Variants in IQSEC2 observed in about 807,000 individuals in gnomAD.
IQSEC2 encodes the protein IQ motif and Sec7 domain ArfGEF 2.
IQSEC2 carries 6 observed loss-of-function variants against 74.6 expected under a neutral mutation model. The ratio of observed to expected loss-of-function variants is 0.08; its 90% confidence interval spans 0.04 to 0.16. The LOEUF is 0.16. Among genes scored for constraint, IQSEC2 ranks in the 10% least tolerant of loss-of-function variants. The probability of loss-of-function intolerance (pLI) is 1.00; values close to 1 mark genes in which losing one functional copy is unlikely to be tolerated. For synonymous variants in IQSEC2, 494 were observed against 544.5 expected (o/e 0.91, Z 1.29); for missense variants, 734 against 1,306.2 (o/e 0.56, Z 6.75).
chrX:53,308,071 GGA>G (rs1425239569), intron 1 of IQSEC2, among the ~76,000 whole-genome samples: 1 of 105,179 alleles, frequency 9.5e-6, no homozygotes, highest in Non-Finnish European at 1.9e-5. Context: ...GGCTGAGATG[GGA>G]GAATCGCTTG....
At chrX:53,286,223 G>A (rs1222130761) in intron 2 of IQSEC2, among the ~76,000 whole-genome samples, 4 of 111,463 alleles carry the variant, frequency 3.6e-5, no homozygotes, top group Non-Finnish European at 7.5e-5. Context: ...AGCTTTTTCG[G>A]CATAAAATAA....
intron 2 of IQSEC2, among the ~76,000 whole-genome samples, chrX:53,259,247 G>A (rs1340504923): frequency 7.8e-5 from 8 of 101,939 alleles, no homozygotes; most frequent in Non-Finnish European, 1.2e-4. Context: ...GCTTATACTT[G>A]TAATCCCAGC....
At chrX:53,281,542 G>T in intron 2 of IQSEC2, 1 of 1,152,777 alleles carries the variant, frequency 8.7e-7, no homozygotes. Flanking sequence ...CTGTCCCAAG[G>T]GCAGGCCCCC....
intron 1 of IQSEC2, among the ~76,000 whole-genome samples, chrX:53,293,792 A>G (rs946598748): frequency 1.8e-5 from 2 of 112,176 alleles, no homozygotes; most frequent in Non-Finnish European, 3.8e-5. Flanking sequence ...TAAGCAACAC[A>G]TCTAATCACC....
At chrX:53,265,663 G>A (rs782046238) in intron 2 of IQSEC2, among the ~76,000 whole-genome samples, 3 of 111,356 alleles carry the variant, frequency 2.7e-5, no homozygotes, top group South Asian at 3.8e-4. Flanking sequence ...CTACAAACCC[G>A]TAAAGGACAT....
At chrX:53,299,327 T>C (rs2075187015) in intron 1 of IQSEC2, among the ~76,000 whole-genome samples, 2 of 112,257 alleles carry the variant, frequency 1.8e-5, no homozygotes, top group African/African-American at 6.5e-5. Context: ...AAACTCTGTG[T>C]GCAGGTGGGG....
rs1421335035 is a variant in IQSEC2 at position 53,282,948 on chromosome X, G to A, written c.737+8947C>T. On this transcript the variant is annotated intron_variant, in intron 2 of 14. Coordinates refer to ENST00000642864, the MANE Select transcript of IQSEC2 (RefSeq NM_001111125.3). ...GCAGTGGCTCACGCCTGTAATCCCA[G>A]CACTTTGGGAGGCTGGGAGCAGTGG... Among the ~76,000 whole-genome samples the A allele has an allele frequency of 2.7e-5, 3 of 111,867 alleles. No individual in the cohort carries two copies. The East Asian group carries it at 8.4e-4, about 31-fold the overall frequency.
At chrX:53,318,071 G>GA (rs1556879518) in intron 1 of IQSEC2, among the ~76,000 whole-genome samples, 1 of 111,584 alleles carries the variant, frequency 9.0e-6, no homozygotes. Flanking sequence ...GAGCTCTAGA[G>GA]AAAAAAATAC....
intron 10 of IQSEC2, among the ~76,000 whole-genome samples, chrX:53,240,439 C>T (rs2074200472): frequency 8.9e-6 from 1 of 112,539 alleles, no homozygotes; most frequent in African/African-American, 3.2e-5. Flanking sequence ...GAGAAGACCA[C>T]AGGGAGAACA....
chrX:53,305,397 A>G (rs1030648178), intron 1 of IQSEC2, among the ~76,000 whole-genome samples: 4 of 110,057 alleles, frequency 3.6e-5, no homozygotes, highest in Non-Finnish European at 5.7e-5. Flanking sequence ...CATTTTTTGT[A>G]GAGATGGGGT....
intron 1 of IQSEC2, among the ~76,000 whole-genome samples, chrX:53,304,846 G>A (rs1198654030): frequency 9.0e-6 from 1 of 111,661 alleles, no homozygotes; most frequent in Non-Finnish European, 1.9e-5. Context: ...AAAGTAATAA[G>A]CAGACTTTAT....
chrX:53,258,764 A>G (rs1241238142), intron 2 of IQSEC2, among the ~76,000 whole-genome samples: 3 of 111,253 alleles, frequency 2.7e-5, no homozygotes, highest in African/African-American at 9.8e-5. Flanking sequence ...GAATCACTTG[A>G]ATCCAGGAGG....
intron 8 of IQSEC2, among the ~76,000 whole-genome samples, chrX:53,246,040 T>C (rs781940233): frequency 9.1e-6 from 1 of 110,449 alleles, no homozygotes; most frequent in East Asian, 2.9e-4. Flanking sequence ...TTTTGTATTT[T>C]TAGTAGAGAT....
chrX:53,278,834 A>G (rs782346042), intron 2 of IQSEC2, among the ~76,000 whole-genome samples: 1 of 112,248 alleles, frequency 8.9e-6, no homozygotes, highest in Admixed American at 9.4e-5. Context: ...ATTTCCTTTT[A>G]TTGAGCTGTA....
intron 4 of IQSEC2, among the ~76,000 whole-genome samples, chrX:53,252,170 C>A (rs2147109169): frequency 8.9e-6 from 1 of 111,898 alleles, no homozygotes; most frequent in African/African-American, 3.2e-5. Flanking sequence ...AAGCGATTCT[C>A]CTTCCTCAGC....
chrX:53,290,345 G>A (rs1040669888), intron 2 of IQSEC2, among the ~76,000 whole-genome samples: 3 of 112,228 alleles, frequency 2.7e-5, no homozygotes, highest in African/African-American at 6.5e-5. Flanking sequence ...GATTATGCTC[G>A]TTATTAAATG....
intron 2 of IQSEC2, among the ~76,000 whole-genome samples, chrX:53,267,921 C>T (rs1282911869): frequency 8.9e-6 from 1 of 112,115 alleles, no homozygotes; most frequent in Admixed American, 9.4e-5. Context: ...GTTAACTACT[C>T]GTGAGCTGAA....
At chrX:53,292,804 C>CGT (rs1215314611) in intron 1 of IQSEC2, among the ~76,000 whole-genome samples, 6 of 110,313 alleles carry the variant, frequency 5.4e-5, no homozygotes, top group East Asian at 5.8e-4. Context: ...TGCGCGCGCA[C>CGT]GTGTGTGTGT....
chrX:53,277,255 T>A (rs1365424034), intron 2 of IQSEC2, among the ~76,000 whole-genome samples: 2 of 110,298 alleles, frequency 1.8e-5, no homozygotes, highest in Admixed American at 9.6e-5. Context: ...ACCGTTGCCC[T>A]GGCTGGAGTG....
Sources: gnomAD v4.1 joint callset for allele counts (sites outside exome capture counted in the v4.1 genomes callset) on GRCh38, gnomAD v4.1.1 for gene constraint, MANE v1.5 for transcripts, NCBI Gene and HGNC (gene_info 2026-07-23, HGNC 2026-07-21) for gene names.